The following CASZ1 variants were observed in gnomAD, a reference collection of about 807,000 sequenced individuals.
CASZ1 encodes the protein zinc finger protein castor homolog 1.
A neutral mutation model predicts 135.2 loss-of-function variants in CASZ1; 28 were observed. The observed-to-expected ratio is 0.21, with a 90% confidence interval of 0.15 to 0.28. The LOEUF (loss-of-function observed/expected upper bound fraction) is 0.28. Among genes scored for constraint, CASZ1 ranks in the 10% least tolerant of loss-of-function variants. CASZ1 has a pLI of 1.00. For missense variants in CASZ1, 2,161 were observed against 2,453.3 expected (o/e 0.88, Z 2.52); for synonymous variants, 1,068 against 1,073.4 (o/e 0.99, Z 0.10).
chr1:10,697,882 G>GT lies in CASZ1; in HGVS notation c.-23-3971dup. ...TTCGCACCTGCGAGGGAGTCCGTGT[G>GT]TTTGCGTGTGAGCCCGCTCCGGGGC... is the stretch of plus-strand genomic sequence containing the variant. On this transcript the variant is annotated intron_variant, in intron 3 of 20. Transcript: ENST00000377022. The surrounding 1 kb of genome is among the most constrained non-coding windows in gnomAD (Gnocchi z 4.7). Among the ~76,000 whole-genome samples the GT allele has an allele frequency of 6.6e-6, 1 of 152,380 alleles. No homozygotes were observed. Among genetic ancestry groups the GT allele is most frequent in the East Asian group, 1.9e-4 (1 of 5,188 alleles).
chr1:10,693,941 G>T (rs370880244), intron 3 of CASZ1, 29 bp from the exon 4 acceptor site: 1 of 1,607,400 alleles, frequency 6.2e-7, no homozygotes, highest in Non-Finnish European at 8.5e-7. Context: ...GGGGAAGACC[G>T]GGAGAGAAGA....
chr1:10,749,089 G>A (rs929652152), intron 2 of CASZ1, among the ~76,000 whole-genome samples: 1 of 152,126 alleles, frequency 6.6e-6, no homozygotes, highest in Non-Finnish European at 1.5e-5. Context: ...GCAGTCCGGG[G>A]CCCTGCACAG....
chr1:10,745,213 C>T (rs749197976), intron 2 of CASZ1, among the ~76,000 whole-genome samples: 8 of 152,098 alleles, frequency 5.3e-5, no homozygotes, highest in Non-Finnish European at 1.0e-4. Flanking sequence ...TTTTGATTTC[C>T]TCACCTCTGA....
In CASZ1 at chr1:10,673,519, G is replaced by C. The variant is rs533998649; in HGVS notation, c.17-7948C>G. Among the ~76,000 whole-genome samples, 88 of 152,228 alleles carry C rather than the reference G, an allele frequency of 5.8e-4. 3 individuals are homozygous for C. In the South Asian group the frequency reaches 0.018, roughly 31 times the overall value. ...CACGCTGCCTCTCTCCTGCTGGGGAGGGGGGCTGAGGGGGCTGGCAGGGAG... is the reference window on the plus strand; with the variant it reads ...CACGCTGCCTCTCTCCTGCTGGGGACGGGGGCTGAGGGGGCTGGCAGGGAG... On this transcript the variant is annotated intron_variant, in intron 4 of 20. Coordinates refer to ENST00000377022, the MANE Select transcript of CASZ1 (RefSeq NM_001079843.3).
rs528523824 is a variant in CASZ1, at chr1:10,719,134, T to C, written c.-76-13590A>G. On this transcript the variant is annotated intron_variant, in intron 2 of 20. Coordinates refer to ENST00000377022, the MANE Select transcript of CASZ1 (RefSeq NM_001079843.3). This position sits in a 1 kb window ranked among gnomAD's most constrained non-coding sequence, Gnocchi z 4.0. Reference sequence around the variant, plus strand: ...TTTCCAACCATGTTGGCCAGACTAGTCTCGAACTCCTGACCTCAAGCAATC... The same window carrying C: ...TTTCCAACCATGTTGGCCAGACTAGCCTCGAACTCCTGACCTCAAGCAATC... Among the ~76,000 whole-genome samples, 1 of 152,136 alleles carries C rather than the reference T, an allele frequency of 6.6e-6. No homozygotes were observed. Among genetic ancestry groups the C allele is most frequent in the East Asian group, 1.9e-4 (1 of 5,154 alleles).
chr1:10,674,276 C>T (rs1444401353), intron 4 of CASZ1, among the ~76,000 whole-genome samples: 1 of 152,272 alleles, frequency 6.6e-6, no homozygotes, highest in African/African-American at 2.4e-5. Context: ...CCAGTGCCTC[C>T]AGGTCTCAGG....
intron 2 of CASZ1, among the ~76,000 whole-genome samples, chr1:10,746,454 GA>G (rs1640042431): frequency 6.6e-6 from 1 of 152,238 alleles, no homozygotes. Flanking sequence ...GTGGCAAAAA[GA>G]AAATGAAAGT....
intron 9 of CASZ1, 95 bp from the exon 10 acceptor site, chr1:10,654,686 C>T: frequency 8.1e-7 from 1 of 1,238,458 alleles, no homozygotes; most frequent in Non-Finnish European, 1.1e-6. Flanking sequence ...ACTGACTTCC[C>T]TGCTCAGGGA....
intron 4 of CASZ1, among the ~76,000 whole-genome samples, chr1:10,670,459 G>A (rs917539467): frequency 6.6e-6 from 1 of 152,210 alleles, no homozygotes; most frequent in African/African-American, 2.4e-5. Flanking sequence ...CTTCCACCCT[G>A]CCATTTACTT....
At chr1:10,779,298 T>C (rs908858263) in intron 1 of CASZ1, among the ~76,000 whole-genome samples, 9 of 149,172 alleles carry the variant, frequency 6.0e-5, no homozygotes, top group Non-Finnish European at 1.3e-4. Flanking sequence ...TTTTTTTTTT[T>C]TTTAGCACAC....
rs1639607827 is a variant in CASZ1 at position 10,726,875 on chromosome 1, G to T, written c.-76-21331C>A. Among the ~76,000 whole-genome samples the T allele has an allele frequency of 6.6e-6, 1 of 152,152 alleles. No homozygotes were observed. Among genetic ancestry groups the T allele is most frequent in the African/African-American group, 2.4e-5 (1 of 41,428 alleles). On this transcript the variant is annotated intron_variant, in intron 2 of 20. Transcript: ENST00000377022. This position sits in a 1 kb window ranked among gnomAD's most constrained non-coding sequence, Gnocchi z 5.7. Reference sequence around the variant, plus strand: ...CCCTGGCCTGCTCCGTGTCCTGGGGGAAATGGTTCAGGGAATGAATCAGCA... The same window carrying T: ...CCCTGGCCTGCTCCGTGTCCTGGGGTAAATGGTTCAGGGAATGAATCAGCA...
Position 10,649,067 on chromosome 1 carries a change from C to T in CASZ1, c.3158+3G>A, listed in dbSNP as rs749975703. ...TGGAAATGGCCCCCAGCACCCTACT[C>T]ACTTTGCGTGCTTGATGGCCCCGTC... On this transcript the variant is annotated splice_donor_region_variant and intron_variant, in intron 15 of 20. Transcript: ENST00000377022. 1 of 1,612,708 alleles carries T rather than the reference C, an allele frequency of 6.2e-7. No homozygotes were observed. The highest frequency in any genetic ancestry group is 1.7e-5 in the Admixed American group (1 of 60,022).
intron 2 of CASZ1, among the ~76,000 whole-genome samples, chr1:10,723,819 C>T (rs1474127116): frequency 6.6e-6 from 1 of 152,228 alleles, no homozygotes; most frequent in Admixed American, 6.5e-5. Context: ...ACTCCCCCTG[C>T]AACCTGGCTG....
intron 2 of CASZ1, among the ~76,000 whole-genome samples, chr1:10,712,496 T>G (rs1333386098): frequency 6.6e-6 from 1 of 152,148 alleles, no homozygotes; most frequent in Non-Finnish European, 1.5e-5. Flanking sequence ...AGAAGGAATT[T>G]GTCCCCATGT....
chr1:10,694,613 C>CGCT lies in CASZ1; in HGVS notation c.-23-702_-23-701insAGC, dbSNP rs1638876945. On this transcript the variant is annotated intron_variant, in intron 3 of 20. Transcript: ENST00000377022. The surrounding 1 kb of genome is among the most constrained non-coding windows in gnomAD (Gnocchi z 6.6). ...CCGCCGCCGCCGCCGCCGCCGCCGC[C>CGCT]GCCGCCGCCCGGTGCGCCCGCCCGC... is the stretch of plus-strand genomic sequence containing the variant. 1 of 143,942 alleles carries CGCT rather than the reference C, an allele frequency of 6.9e-6. No individual in the cohort carries two copies. The highest frequency in any genetic ancestry group is 2.6e-5 in the African/African-American group (1 of 38,752). The allele number at this position is 143,942 out of a possible 1,614,324, so 8.9% of individuals were successfully genotyped here. A position where few individuals can be genotyped will look rare whatever the true frequency, so the allele number is the denominator to read the frequency against.
rs937776271 is a variant in CASZ1, at chr1:10,727,526, C to T, written c.-76-21982G>A. On this transcript the variant is annotated intron_variant, in intron 2 of 20. Coordinates refer to ENST00000377022, the MANE Select transcript of CASZ1 (RefSeq NM_001079843.3). The surrounding 1 kb of genome is among the most constrained non-coding windows in gnomAD (Gnocchi z 5.3). ...CCCTCTGAAAGTTGGGAAGCTTTTA[C>T]GGTTCTGTCCTGAAGGACTCTCTTC... Among the ~76,000 whole-genome samples, 5 of 152,170 alleles carry T rather than the reference C, an allele frequency of 3.3e-5. No individual in the cohort carries two copies. Among genetic ancestry groups the T allele is most frequent in the Admixed American group, 6.5e-5 (1 of 15,286 alleles).
At chr1:10,688,007 T>G (rs1049617718) in intron 4 of CASZ1, among the ~76,000 whole-genome samples, 4 of 152,180 alleles carry the variant, frequency 2.6e-5, no homozygotes, top group African/African-American at 9.7e-5. Flanking sequence ...GGGGAGGCAC[T>G]TGGGGAAGAG....
At chr1:10,691,094 TCCC>T (rs1638752644) in intron 4 of CASZ1, among the ~76,000 whole-genome samples, 1 of 96,822 alleles carries the variant, frequency 1.0e-5, no homozygotes, top group South Asian at 3.7e-4. Context: ...CCTCCCTCCC[TCCC>T]TCTCTTTCCT....
In CASZ1 at chr1:10,657,754, C is replaced by T. The variant is rs913806673; in HGVS notation, c.1409+754G>A. ...CCTGGAAGATCTGCGGACAGACAGG[C>T]GCCAGCCGCTGGGTGCTGCCCCATC... On this transcript the variant is annotated intron_variant, in intron 7 of 20. Transcript: ENST00000377022. The surrounding 1 kb of genome is among the most constrained non-coding windows in gnomAD (Gnocchi z 5.7). 5.1e-5 allele frequency among the ~76,000 whole-genome samples: 7 copies of T among 136,704 alleles called. No individual in the cohort carries two copies. Among genetic ancestry groups the T allele is most frequent in the African/African-American group, 1.9e-4 (7 of 36,270 alleles). 89.7% of individuals were successfully genotyped at this position (136,704 alleles called of 152,430 possible).
Sources: gnomAD v4.1 joint callset for allele counts (sites outside exome capture counted in the v4.1 genomes callset) on GRCh38, gnomAD v4.1.1 for gene constraint, Gnocchi (gnomAD v3.1) non-coding constraint, MANE v1.5 for transcripts, NCBI Gene and HGNC (gene_info 2026-07-23, HGNC 2026-07-21) for gene names.